CRTC3: variants seen among roughly 807,000 people sequenced by gnomAD.
CRTC3 encodes the protein CREB regulated transcription coactivator 3.
In CRTC3, 26 loss-of-function variants were observed where a neutral mutation model predicts 74.5. That is an observed-to-expected ratio of 0.35 (90% CI 0.26 to 0.48). The LOEUF (loss-of-function observed/expected upper bound fraction) is 0.48. CRTC3 is among the 20% of genes least tolerant of loss of function. The pLI is 0.99. For synonymous variants in CRTC3, 377 were observed against 325.8 expected, an observed-to-expected ratio of 1.16 and a Z score of -1.69; for missense variants, 760 against 787.3, an observed-to-expected ratio of 0.97 and a Z score of 0.41.
chr15:90,641,843 G>T, intron 14 of CRTC3, 89 bp from the exon 15 acceptor site: 1 of 1,066,448 alleles, frequency 9.4e-7, no homozygotes, highest in South Asian at 1.4e-5. Context: ...TAGCAGTTTA[G>T]GGGACTGTCA....
At chr15:90,612,055 T>TCCTCCG (rs1968372501) in intron 6 of CRTC3, among the ~76,000 whole-genome samples, 1 of 118,958 alleles carries the variant, frequency 8.4e-6, no homozygotes, top group African/African-American at 3.2e-5. Context: ...CTCCTCCTCC[T>TCCTCCG]CCGCCTCCAC....
At chr15:90,550,226 C>T (rs183835511) in intron 2 of CRTC3, among the ~76,000 whole-genome samples, 5 of 151,316 alleles carry the variant, frequency 3.3e-5, no homozygotes, top group African/African-American at 4.8e-5. Flanking sequence ...GTCAGGAGTT[C>T]GAGACCAACC....
intron 2 of CRTC3, among the ~76,000 whole-genome samples, chr15:90,547,434 T>C (rs958364194): frequency 2.0e-5 from 3 of 152,220 alleles, no homozygotes; most frequent in Admixed American, 1.3e-4. Flanking sequence ...GGTTGGTAAG[T>C]GTAGTACTAT....
At chr15:90,538,771 A>G (rs1479181209) in intron 1 of CRTC3, among the ~76,000 whole-genome samples, 1 of 66,390 alleles carries the variant, frequency 1.5e-5, no homozygotes, top group Non-Finnish European at 3.1e-5. Context: ...ACCAAACTTC[A>G]CCTTTTTTTT....
At chr15:90,626,052 T>A in intron 10 of CRTC3, 59 bp downstream of exon 10, 1 of 1,295,340 alleles carries the variant, frequency 7.7e-7, no homozygotes, top group Non-Finnish European at 1.1e-6. Flanking sequence ...TCCCCACCCA[T>A]GTGGCCTGTT....
At chr15:90,553,998 T>C (rs2151062786) in intron 2 of CRTC3, among the ~76,000 whole-genome samples, 1 of 152,324 alleles carries the variant, frequency 6.6e-6, no homozygotes, top group Middle Eastern at 3.4e-3. Context: ...GGTCATACTC[T>C]GAATCCAAAT....
At chr15:90,607,792 C>T (rs535039717) in intron 6 of CRTC3, among the ~76,000 whole-genome samples, 1 of 152,252 alleles carries the variant, frequency 6.6e-6, no homozygotes, top group African/African-American at 2.4e-5. Flanking sequence ...CCCTTCAATC[C>T]AGTTTTATGT....
rs747306899 is a variant in CRTC3, at chr15:90,629,477, G to C, written c.1211G>C (p.Gly404Ala). The change falls in exon 11 of 15, where the codon GGT becomes GCT. Residue 404 changes from glycine to alanine, a missense_variant. Physicochemically the swap from Gly to Ala is moderately conservative, Grantham distance 60 (BLOSUM62 0). Coordinates refer to ENST00000268184, the MANE Select transcript of CRTC3 (RefSeq NM_022769.5). ...TLSPGPEAHQ[G>A]FSRQLSSTSP... is the part of the protein sequence containing the mutation. ...TCTCCTGGCCCTGAAGCACATCAAG[G>C]TTTCAGCAGACAGCTGTCTTCAACC... is the stretch of plus-strand genomic sequence containing the variant. 6.2e-7 allele frequency: 1 copy of C among 1,613,892 alleles called. No homozygotes were observed. The highest frequency in any genetic ancestry group is 1.3e-5 in the African/African-American group (1 of 74,868).
intron 9 of CRTC3, 59 bp from the exon 10 acceptor site, chr15:90,625,717 T>A (rs1968809557): frequency 6.8e-7 from 1 of 1,472,168 alleles, no homozygotes; most frequent in South Asian, 1.1e-5. Context: ...TCAGCCATGT[T>A]TGGTTTCCCA....
At chr15:90,567,866 A>C (rs555472405) in intron 2 of CRTC3, among the ~76,000 whole-genome samples, 21 of 152,346 alleles carry the variant, frequency 1.4e-4, no homozygotes, top group African/African-American at 4.1e-4. Flanking sequence ...TTATTATTTA[A>C]GAAATACATT....
intron 11 of CRTC3, among the ~76,000 whole-genome samples, chr15:90,631,994 T>G (rs1659059224): frequency 1.3e-5 from 2 of 151,776 alleles, no homozygotes; most frequent in African/African-American, 4.8e-5. Flanking sequence ...TTGAACTCCC[T>G]GAGCTCAGGT....
intron 2 of CRTC3, among the ~76,000 whole-genome samples, chr15:90,584,277 G>A (rs1304840071): frequency 7.9e-6 from 1 of 126,824 alleles, no homozygotes; most frequent in African/African-American, 3.0e-5. Context: ...CTTTCCTGTT[G>A]CCCAGGCTGG....
intron 2 of CRTC3, among the ~76,000 whole-genome samples, chr15:90,582,159 C>T (rs1967556778): frequency 6.6e-6 from 1 of 152,184 alleles, no homozygotes; most frequent in Non-Finnish European, 1.5e-5. Flanking sequence ...ATGGGCAAAC[C>T]TGATTTACCC....
At chr15:90,587,672 G>T (rs1967696944) in intron 2 of CRTC3, among the ~76,000 whole-genome samples, 1 of 152,080 alleles carries the variant, frequency 6.6e-6, no homozygotes, top group African/African-American at 2.4e-5. Flanking sequence ...GGAGTGTAGT[G>T]GCAGGATCTC....
chr15:90,546,541 T>C (rs899385518), intron 2 of CRTC3, among the ~76,000 whole-genome samples: 1 of 152,256 alleles, frequency 6.6e-6, no homozygotes. Flanking sequence ...TTTTTGAAGC[T>C]GTTTTGCTTA....
chr15:90,616,297 TCCTC>T (rs966170234), intron 7 of CRTC3, among the ~76,000 whole-genome samples: 17 of 152,152 alleles, frequency 1.1e-4, no homozygotes, highest in African/African-American at 3.9e-4. Flanking sequence ...GAGCATTGTA[TCCTC>T]CCCTTACCGT....
rs1347429757 is a variant in CRTC3, at chr15:90,607,608, GGGAA to G, written c.577+132_577+135del. 110 of 604,134 alleles carry G rather than the reference GGGAA, an allele frequency of 1.8e-4. 1 individual carries two copies. Among genetic ancestry groups the G allele is most frequent in the African/African-American group, 1.4e-3 (76 of 53,790 alleles). The allele number at this position is 604,134 out of a possible 1,614,324, so 37.4% of individuals were successfully genotyped here. Reference sequence around the variant, plus strand: ...GATCTTAGAGAGGCAGCTCGTGGCAGGGAAGCGTGTGTGTCCATGATGCAGTCAG... The same window carrying G: ...GATCTTAGAGAGGCAGCTCGTGGCAGGCGTGTGTGTCCATGATGCAGTCAG... On this transcript the variant is annotated intron_variant, in intron 6 of 14. Transcript: ENST00000268184.
At chr15:90,543,588 C>T (rs573918011) in intron 2 of CRTC3, among the ~76,000 whole-genome samples, 5 of 152,052 alleles carry the variant, frequency 3.3e-5, no homozygotes, top group South Asian at 2.1e-4. Flanking sequence ...GGGCTTGAAG[C>T]GCAAGCTAAT....
chr15:90,615,673 C>T (rs1296691365), intron 7 of CRTC3, among the ~76,000 whole-genome samples: 1 of 152,148 alleles, frequency 6.6e-6, no homozygotes, highest in Admixed American at 6.5e-5. Context: ...GGACTAAAAA[C>T]AATGAACTCT....
Sources: gnomAD v4.1 joint callset for allele counts (sites outside exome capture counted in the v4.1 genomes callset) on GRCh38, gnomAD v4.1.1 for gene constraint, MANE v1.5 for transcripts, NCBI Gene and HGNC (gene_info 2026-07-23, HGNC 2026-07-21) for gene names.